Variants in MTCL1 observed in about 807,000 individuals in gnomAD.
The protein encoded by MTCL1 is microtubule crosslinking factor 1.
A neutral mutation model predicts 141.4 loss-of-function variants in MTCL1; 79 were observed. That is an observed-to-expected ratio of 0.56 (90% CI 0.47 to 0.67). The LOEUF (loss-of-function observed/expected upper bound fraction) is 0.67. MTCL1 is among the 30% of genes least tolerant of loss of function. The pLI is 0.00. For synonymous variants in MTCL1, 914 were observed against 875.8 expected (o/e 1.04, Z -0.77); for missense variants, 2,177 against 2,113.9 (o/e 1.03, Z -0.59).
intron 4 of MTCL1, among the ~76,000 whole-genome samples, chr18:8,768,790 T>C (rs867676865): frequency 0.055 from 3,932 of 71,200 alleles, 171 homozygotes; most frequent in African/African-American, 0.23. Context: ...TTTTCTTCTC[T>C]TTTTTTTTTT....
intron 4 of MTCL1, among the ~76,000 whole-genome samples, chr18:8,737,520 C>T (rs1343636879): frequency 1.3e-5 from 2 of 152,226 alleles, no homozygotes; most frequent in East Asian, 1.9e-4. Context: ...GTTCTTGAAA[C>T]TCTTCTCAGA....
chr18:8,762,721 C>A (rs147902071), intron 4 of MTCL1, among the ~76,000 whole-genome samples: 1 of 152,284 alleles, frequency 6.6e-6, no homozygotes, highest in Non-Finnish European at 1.5e-5. Context: ...TACAAGAAGA[C>A]ATCGGCACAC....
chr18:8,707,639 A>G (rs1290654984), intron 1 of MTCL1: 1 of 152,538 alleles, frequency 6.6e-6, no homozygotes, highest in Non-Finnish European at 1.5e-5. Context: ...AGGTTAGTAA[A>G]CAACTCCAGT....
upstream of MTCL1, among the ~76,000 whole-genome samples, chr18:8,714,412 C>A (rs62085576): frequency 0.27 from 40,322 of 152,034 alleles, 5,654 homozygotes; most frequent in Middle Eastern, 0.4. Flanking sequence ...AAATACATGC[C>A]GTTATGGTGC....
intron 15 of MTCL1, among the ~76,000 whole-genome samples, chr18:8,827,170 G>T (rs2077053758): frequency 6.6e-6 from 1 of 152,232 alleles, no homozygotes; most frequent in Non-Finnish European, 1.5e-5. Flanking sequence ...CAGATGGCGG[G>T]GGTCAGAGGA....
chr18:8,747,618 C>G (rs1213614219), intron 4 of MTCL1, among the ~76,000 whole-genome samples: 8 of 152,222 alleles, frequency 5.3e-5, no homozygotes. Flanking sequence ...AGTAGGTCCT[C>G]CTCTAAACGT....
intron 1 of MTCL1, among the ~76,000 whole-genome samples, chr18:8,707,863 A>T (rs1211152679): frequency 6.6e-6 from 1 of 152,226 alleles, no homozygotes; most frequent in African/African-American, 2.4e-5. Context: ...ATCAGAGCAC[A>T]TTAACTGCTG....
intron 4 of MTCL1, among the ~76,000 whole-genome samples, chr18:8,749,061 C>A (rs1284770293): frequency 6.6e-6 from 1 of 152,204 alleles, no homozygotes; most frequent in African/African-American, 2.4e-5. Flanking sequence ...CCTGGACTTG[C>A]CTCAGATGAC....
At position 8,789,409 on chromosome 18, in the gene MTCL1, T is replaced by C. The variant is rs865792729; in HGVS notation, c.1887+3318T>C. The C allele has an allele frequency of 5.5e-5, 54 of 985,394 alleles. No individual in the cohort carries two copies. In the South Asian group the frequency reaches 1.1e-3, roughly 20 times the overall value. 61.0% of individuals were successfully genotyped at this position (985,394 alleles called of 1,614,324 possible). A position where few individuals can be genotyped will look rare whatever the true frequency, so the allele number is the denominator to read the frequency against. On this transcript the variant is annotated intron_variant, in intron 7 of 16. Coordinates refer to ENST00000359865, the Ensembl canonical transcript of MTCL1. ...AGAGGAGTAGCATTGCTAGGCACTC[T>C]AGTGATGGCCATGAAAAGCCTTCCT...
chr18:8,783,932 C>T (rs765172110), exon 6 of MTCL1: 2 of 1,613,490 alleles, frequency 1.2e-6, no homozygotes, highest in Admixed American at 1.7e-5. Flanking sequence ...CTCCACTGAG[C>T]TCCGCCGCCA....
chr18:8,782,294 T>A (rs2096535289), intron 5 of MTCL1: 1 of 152,216 alleles, frequency 6.6e-6, no homozygotes, highest in African/African-American at 2.4e-5. Flanking sequence ...CGCAGTGCTG[T>A]TGTTGACAGT....
chr18:8,759,144 A>G (rs1209737116), intron 4 of MTCL1, among the ~76,000 whole-genome samples: 2 of 152,264 alleles, frequency 1.3e-5, no homozygotes, highest in Non-Finnish European at 2.9e-5. Context: ...AGACTTAAGT[A>G]GCAGATCACA....
chr18:8,820,333 C>T (rs1467768720), intron 13 of MTCL1, among the ~76,000 whole-genome samples: 1 of 152,008 alleles, frequency 6.6e-6, no homozygotes, highest in East Asian at 1.9e-4. Flanking sequence ...TGGCGTGAAC[C>T]CAGGAGGCGG....
chr18:8,788,268 T>G lies in MTCL1; in HGVS notation c.1887+2177T>G, dbSNP rs184359300. ...TCTTTGCTCCCTTCTACATTTCCCT[T>G]GAAATAACCACGGATTTTGCCCTCA... On this transcript the variant is annotated intron_variant, in intron 7 of 16. Coordinates refer to ENST00000359865, the Ensembl canonical transcript of MTCL1. 2.5e-3 allele frequency among the ~76,000 whole-genome samples: 374 copies of G among 152,218 alleles called. 1 individual carries two copies. The highest frequency in any genetic ancestry group is 8.3e-3 in the African/African-American group (343 of 41,522).
chr18:8,708,533 T>C (rs1210141744), intron 1 of MTCL1, among the ~76,000 whole-genome samples: 1 of 152,154 alleles, frequency 6.6e-6, no homozygotes, highest in South Asian at 2.1e-4. Context: ...GCCAAGGTCA[T>C]AGAGTGAGTA....
chr18:8,710,610 G>GTT (rs1419648201), intron 1 of MTCL1, among the ~76,000 whole-genome samples: 1 of 145,722 alleles, frequency 6.9e-6, no homozygotes, highest in Admixed American at 6.8e-5. Context: ...AAAGTGATGA[G>GTT]TTTTTTTTTT....
At chr18:8,759,643 A>C (rs2096420042) in intron 4 of MTCL1, among the ~76,000 whole-genome samples, 1 of 152,238 alleles carries the variant, frequency 6.6e-6, no homozygotes, top group East Asian at 1.9e-4. Flanking sequence ...TGAGGCTATT[A>C]CAAGGGAGTT....
rs192826756 is a variant in MTCL1, at chr18:8,830,129, G to A, written c.*18+1165G>A. The A allele has an allele frequency of 2.1e-4, 209 of 985,490 alleles. 3 individuals are homozygous for A. The Admixed American group carries it at 9.5e-3, about 45-fold the overall frequency. The allele number at this position is 985,490 out of a possible 1,614,324, so 61.0% of individuals were successfully genotyped here. A position where few individuals can be genotyped will look rare whatever the true frequency, so the allele number is the denominator to read the frequency against. On this transcript the variant is annotated intron_variant, in intron 16 of 16. Transcript: ENST00000359865. This position sits in a 1 kb window ranked among gnomAD's most constrained non-coding sequence, Gnocchi z 6.4. Reference sequence around the variant, plus strand: ...ACAAAACACACAGATTTCCCAAACCGTGTGTCCCAGTCAAGCACTGTGGGC... The same window carrying A: ...ACAAAACACACAGATTTCCCAAACCATGTGTCCCAGTCAAGCACTGTGGGC...
In MTCL1 at chr18:8,798,118, T is replaced by TCCAG; in HGVS notation, c.2264_2267dup (p.Arg756SerfsTer22). On this transcript the variant is annotated frameshift_variant, in exon 10 of 17. Coordinates refer to ENST00000359865, the Ensembl canonical transcript of MTCL1. LOFTEE classifies it high-confidence loss of function. ...TCAGGGTGAACATCCAGAGACCCTC[T>TCCAG]CCAGGCTCGGGGAGCTTGGAGTCCA... 6.3e-7 allele frequency: 1 copy of TCCAG among 1,591,102 alleles called. No individual in the cohort carries two copies. Among genetic ancestry groups the TCCAG allele is most frequent in the Non-Finnish European group, 8.5e-7 (1 of 1,170,882 alleles).
Sources: allele counts gnomAD v4.1 joint callset (sites outside exome capture counted in the v4.1 genomes callset), GRCh38; gene constraint gnomAD v4.1.1; non-coding constraint Gnocchi (gnomAD v3.1); transcripts MANE v1.5; gene names NCBI Gene and HGNC (gene_info 2026-07-23, HGNC 2026-07-21).